Variants in PTER observed in about 807,000 individuals in gnomAD.
PTER encodes phosphotriesterase related.
A neutral mutation model predicts 29.6 loss-of-function variants in PTER; 38 were observed. The observed-to-expected ratio is 1.28, with a 90% CI of 0.99 to 1.68. PTER has a LOEUF of 1.68. Ranked by LOEUF, PTER falls within the 40% of genes most tolerant of loss-of-function variation. The probability of loss-of-function intolerance (pLI) is 0.00; values close to 1 mark genes in which losing one functional copy is unlikely to be tolerated. For missense variants in PTER, 482 were observed against 427.8 expected, an observed-to-expected ratio of 1.13 and a Z score of -1.12; for synonymous variants, 172 against 154.5, an observed-to-expected ratio of 1.11 and a Z score of -0.84.
intron 1 of PTER, among the ~76,000 whole-genome samples, chr10:16,456,544 C>CT (rs35206344): frequency 6.6e-6 from 1 of 152,144 alleles, no homozygotes; most frequent in African/African-American, 2.4e-5. Flanking sequence ...TAGGAGTTTC[C>CT]TTTTTTTCTG....
At chr10:16,453,205 T>C (rs1415977992) in intron 1 of PTER, among the ~76,000 whole-genome samples, 1 of 152,200 alleles carries the variant, frequency 6.6e-6, no homozygotes, top group Non-Finnish European at 1.5e-5. Context: ...CATGAGCCAC[T>C]GCACCTGGCC....
intron 1 of PTER, among the ~76,000 whole-genome samples, chr10:16,483,928 C>A (rs2133448246): frequency 6.6e-6 from 1 of 152,132 alleles, no homozygotes; most frequent in Admixed American, 6.5e-5. Context: ...TGAAACAGTA[C>A]TGATACATGG....
chr10:16,460,070 T>A (rs555023616), intron 1 of PTER, among the ~76,000 whole-genome samples: 53 of 152,328 alleles, frequency 3.5e-4, no homozygotes, highest in South Asian at 8.3e-4. Context: ...TATTACCCCT[T>A]CTTGCAATGA....
intron 1 of PTER, among the ~76,000 whole-genome samples, chr10:16,439,765 G>A (rs1833782745): frequency 6.6e-6 from 1 of 151,922 alleles, no homozygotes; most frequent in African/African-American, 2.4e-5. Flanking sequence ...GTCTTGTTTT[G>A]TTGCCCAGGC....
intron 1 of PTER, among the ~76,000 whole-genome samples, chr10:16,461,273 T>C (rs1834603952): frequency 6.6e-6 from 1 of 151,952 alleles, no homozygotes; most frequent in African/African-American, 2.4e-5. Context: ...GGAAAATATA[T>C]AAGCAAATTA....
chr10:16,479,087 GA>G lies in PTER; in HGVS notation c.-48-5239del, dbSNP rs1554790168. ...TTCTTCTTACATTCTTAGTCAATTT[GA>G]AAAAAAAAAAGGAAAGCTTGGGAAT... On this transcript the variant is annotated intron_variant, in intron 1 of 4. Coordinates refer to ENST00000535784, the MANE Select transcript of PTER (RefSeq NM_001261836.2). Among the ~76,000 whole-genome samples, 1,194 of 141,668 alleles carry G rather than the reference GA, an allele frequency of 8.4e-3. 16 individuals are homozygous for G. Among genetic ancestry groups the G allele is most frequent in the African/African-American group, 0.029 (1,120 of 38,850 alleles). 92.9% of individuals were successfully genotyped at this position (141,668 alleles called of 152,430 possible).
intron 1 of PTER, among the ~76,000 whole-genome samples, chr10:16,482,253 C>A (rs7081260): frequency 1.3e-5 from 2 of 152,002 alleles, no homozygotes; most frequent in African/African-American, 4.8e-5. Flanking sequence ...ATAAATTGGC[C>A]TACAATTCTG....
At chr10:16,506,287 G>A (rs1008472422) in intron 4 of PTER, among the ~76,000 whole-genome samples, 5 of 152,072 alleles carry the variant, frequency 3.3e-5, no homozygotes, top group African/African-American at 1.2e-4. Flanking sequence ...TGGCAGTGGA[G>A]GGAAGCAAGG....
chr10:16,461,732 C>G (rs942297286), intron 1 of PTER, among the ~76,000 whole-genome samples: 6 of 152,170 alleles, frequency 3.9e-5, no homozygotes, highest in Admixed American at 6.6e-5. Context: ...TGGAGTTCCA[C>G]AAACTCTCAA....
intron 3 of PTER, among the ~76,000 whole-genome samples, chr10:16,497,874 A>G (rs576360920): frequency 2.6e-5 from 4 of 152,240 alleles, no homozygotes; most frequent in Non-Finnish European, 2.9e-5. Flanking sequence ...AACTGGGTAT[A>G]TGATAACTGT....
intron 3 of PTER, among the ~76,000 whole-genome samples, chr10:16,501,524 G>C (rs1030180136): frequency 6.6e-6 from 1 of 152,080 alleles, no homozygotes; most frequent in Admixed American, 6.5e-5. Flanking sequence ...TGACTTAGCA[G>C]TTAAAAATCT....
intron 1 of PTER, among the ~76,000 whole-genome samples, chr10:16,451,257 C>T (rs1834199044): frequency 6.6e-6 from 1 of 152,174 alleles, no homozygotes; most frequent in Non-Finnish European, 1.5e-5. Flanking sequence ...TTAGATGGTG[C>T]CCACCCAGAA....
chr10:16,498,290 T>TGGCCA, intron 3 of PTER, among the ~76,000 whole-genome samples: 1 of 152,254 alleles, frequency 6.6e-6, no homozygotes, highest in African/African-American at 2.4e-5. Flanking sequence ...TATTCATGGA[T>TGGCCA]GGCCAGGCGC....
intron 1 of PTER, among the ~76,000 whole-genome samples, chr10:16,451,834 A>G (rs1834221279): frequency 6.6e-6 from 1 of 152,312 alleles, no homozygotes; most frequent in Middle Eastern, 3.4e-3. Flanking sequence ...TCTTTCATAG[A>G]TGAAATAAAA....
At chr10:16,451,960 G>A (rs1307860555) in intron 1 of PTER, among the ~76,000 whole-genome samples, 1 of 152,076 alleles carries the variant, frequency 6.6e-6, no homozygotes, top group African/African-American at 2.4e-5. Flanking sequence ...ATCTTCCAGA[G>A]TGTTGGCTAT....
At chr10:16,474,014 G>C (rs549424412) in intron 1 of PTER, among the ~76,000 whole-genome samples, 1 of 152,246 alleles carries the variant, frequency 6.6e-6, no homozygotes, top group Admixed American at 6.5e-5. Flanking sequence ...TCAGGAGTTC[G>C]AGACCAGCCT....
intron 1 of PTER, among the ~76,000 whole-genome samples, chr10:16,464,737 A>G (rs1834745874): frequency 6.6e-6 from 1 of 152,214 alleles, no homozygotes; most frequent in Non-Finnish European, 1.5e-5. Context: ...TCATTCCTCC[A>G]GTATCAGTGA....
At chr10:16,503,971 T>A (rs1416352439) in intron 3 of PTER, among the ~76,000 whole-genome samples, 1 of 152,246 alleles carries the variant, frequency 6.6e-6, no homozygotes, top group Non-Finnish European at 1.5e-5. Context: ...AAACGATCCC[T>A]TACATTTCTC....
At chr10:16,462,385 A>T (rs1287780878) in intron 1 of PTER, among the ~76,000 whole-genome samples, 2 of 152,060 alleles carry the variant, frequency 1.3e-5, no homozygotes, top group Non-Finnish European at 2.9e-5. Flanking sequence ...TAAGAAGTAC[A>T]GTTGGTTTAC....
Sources: allele counts gnomAD v4.1 joint callset (sites outside exome capture counted in the v4.1 genomes callset), GRCh38; gene constraint gnomAD v4.1.1; transcripts MANE v1.5; gene names NCBI Gene and HGNC (gene_info 2026-07-23, HGNC 2026-07-21).